Variants in UBE2E3 observed in about 807,000 individuals in gnomAD.
The protein encoded by UBE2E3 is ubiquitin conjugating enzyme E2 E3.
UBE2E3 carries 5 observed loss-of-function variants against 23.6 expected under a neutral mutation model. The ratio of observed to expected loss-of-function variants is 0.21; its 90% CI spans 0.11 to 0.44. UBE2E3 has a LOEUF of 0.44. Ranked by LOEUF, UBE2E3 falls within the 20% of genes least tolerant of loss-of-function variation. The probability of loss-of-function intolerance (pLI) is 0.99; values close to 1 mark genes in which losing one functional copy is unlikely to be tolerated. For missense variants in UBE2E3, 81 were observed against 249.8 expected, an observed-to-expected ratio of 0.32 and a Z score of 4.55; for synonymous variants, 78 against 87.5, an observed-to-expected ratio of 0.89 and a Z score of 0.60.
chr2:180,999,528 GC>G (rs772101858), intron 3 of UBE2E3, among the ~76,000 whole-genome samples: 1 of 152,094 alleles, frequency 6.6e-6, no homozygotes, highest in Non-Finnish European at 1.5e-5. Flanking sequence ...TTTCACAAAA[GC>G]TGTACCATTT....
At chr2:180,983,929 T>C (rs1684377553) in intron 2 of UBE2E3, 114 bp from the exon 3 acceptor site, 2 of 730,226 alleles carry the variant, frequency 2.7e-6, no homozygotes, top group African/African-American at 3.5e-5. Flanking sequence ...TTAGCATTAC[T>C]GAAGGCAGAG....
rs568802852 is a variant in UBE2E3 at position 181,004,803 on chromosome 2, A to G, written c.245+20710A>G. On this transcript the variant is annotated intron_variant, in intron 3 of 5. Transcript: ENST00000410062. ...ATATTGTGAAAAAAGTAATATATAT[A>G]TACGTAGTAGGTGACAACTAAGGCC... 7.9e-5 allele frequency among the ~76,000 whole-genome samples: 12 copies of G among 152,334 alleles called. No homozygotes were observed. In the South Asian group the frequency reaches 1.7e-3, roughly 21 times the overall value.
intron 3 of UBE2E3, among the ~76,000 whole-genome samples, chr2:180,997,179 T>A (rs900912261): frequency 7.9e-5 from 12 of 152,088 alleles, no homozygotes; most frequent in African/African-American, 1.9e-4. Flanking sequence ...GAGATTTTTT[T>A]AAGCTCATTT....
chr2:181,061,938 G>T (rs1042593315), intron 5 of UBE2E3, among the ~76,000 whole-genome samples: 2 of 151,476 alleles, frequency 1.3e-5, no homozygotes, highest in Admixed American at 6.6e-5. Context: ...CAACCTCAAT[G>T]CCCATTAATA....
At chr2:181,016,819 T>A (rs1685505549) in intron 3 of UBE2E3, among the ~76,000 whole-genome samples, 1 of 152,148 alleles carries the variant, frequency 6.6e-6, no homozygotes, top group East Asian at 1.9e-4. Flanking sequence ...TAACAAAAAA[T>A]TGGTATGAAA....
chr2:181,029,337 T>C (rs1685996877), intron 3 of UBE2E3, among the ~76,000 whole-genome samples: 1 of 152,164 alleles, frequency 6.6e-6, no homozygotes, highest in African/African-American at 2.4e-5. Context: ...AAAAGTATTC[T>C]TGTGGTTTTA....
At chr2:181,009,999 C>T (rs1407027682) in intron 3 of UBE2E3, among the ~76,000 whole-genome samples, 3 of 151,820 alleles carry the variant, frequency 2.0e-5, no homozygotes, top group African/African-American at 7.3e-5. Flanking sequence ...AATACTATTT[C>T]TGCTTTGTTT....
chr2:181,063,279 T>A lies in UBE2E3; in HGVS notation c.*391T>A, dbSNP rs1687209433. The A allele has an allele frequency of 6.5e-6, 1 of 152,844 alleles. No individual in the cohort carries two copies. 9.5% of individuals were successfully genotyped at this position (152,844 alleles called of 1,614,324 possible). On this transcript the variant is annotated 3_prime_UTR_variant, in exon 6 of 6. Transcript: ENST00000410062. The surrounding 1 kb of genome is among the most constrained non-coding windows in gnomAD (Gnocchi z 4.1). ...TCATTTGTATTAAACCCAGATCTAT[T>A]TCTGAGTATGTGGTTCATGCTGTTG...
intron 3 of UBE2E3, among the ~76,000 whole-genome samples, chr2:181,055,782 A>T (rs1686972207): frequency 6.6e-6 from 1 of 151,778 alleles, no homozygotes; most frequent in African/African-American, 2.4e-5. Context: ...TGGTGTGGGA[A>T]TCCAAGCTCT....
Position 180,991,030 on chromosome 2 carries a change from C to CA in UBE2E3, c.245+6942dup, listed in dbSNP as rs374518565. ...TTTCTCGACATTACTGTTTCCACAC[C>CA]AAAAATGTATTAATATTCATACAGG... On this transcript the variant is annotated intron_variant, in intron 3 of 5. Transcript: ENST00000410062. 8.5e-3 allele frequency among the ~76,000 whole-genome samples: 1,299 copies of CA among 152,174 alleles called. 19 individuals carry two copies. Among genetic ancestry groups the CA allele is most frequent in the Middle Eastern group, 0.024 (7 of 294 alleles).
At chr2:181,052,433 G>A (rs941135153) in intron 3 of UBE2E3, among the ~76,000 whole-genome samples, 5 of 151,882 alleles carry the variant, frequency 3.3e-5, no homozygotes, top group Non-Finnish European at 1.5e-5. Context: ...CACAACAGCA[G>A]CAGCAAAATA....
chr2:181,062,839 C>G lies in UBE2E3; in HGVS notation c.575C>G (p.Ala192Gly). 6.2e-7 allele frequency: 1 copy of G among 1,607,722 alleles called. No individual in the cohort carries two copies. Among genetic ancestry groups the G allele is most frequent in the Non-Finnish European group, 8.5e-7 (1 of 1,176,152 alleles). Residue 192 changes from alanine to glycine, a missense_variant, in exon 6 of 6, where the codon GCA (alanine) becomes GGA (glycine). By Grantham distance (60) the Ala-to-Gly change is moderately conservative (BLOSUM62 0). Transcript: ENST00000410062. ...GCCACTCAGTATTTGACCAACAGAG[C>G]AGAACACGACAGGATAGCCAGACAG... ...SIATQYLTNR[A>G]EHDRIARQWT...
At chr2:180,992,586 A>G (rs912919644) in intron 3 of UBE2E3, among the ~76,000 whole-genome samples, 3 of 152,156 alleles carry the variant, frequency 2.0e-5, no homozygotes, top group South Asian at 4.1e-4. Context: ...CATTTGGAAC[A>G]TATGCCTCAA....
intron 4 of UBE2E3, among the ~76,000 whole-genome samples, chr2:181,059,493 T>C (rs1392870437): frequency 2.0e-5 from 3 of 151,700 alleles, no homozygotes; most frequent in African/African-American, 4.8e-5. Flanking sequence ...AATAGCCACA[T>C]AAAACATAAA....
chr2:181,058,089 A>G (rs773249256), intron 4 of UBE2E3, among the ~76,000 whole-genome samples: 1 of 151,764 alleles, frequency 6.6e-6, no homozygotes, highest in Non-Finnish European at 1.5e-5. Context: ...TTTTATGCTT[A>G]TGAGGGAGAA....
At chr2:181,047,577 A>C (rs2105469533) in intron 3 of UBE2E3, among the ~76,000 whole-genome samples, 1 of 151,934 alleles carries the variant, frequency 6.6e-6, no homozygotes, top group Middle Eastern at 3.4e-3. Flanking sequence ...CTATTCTCGA[A>C]ACCCTCCTTT....
chr2:180,998,526 A>C (rs1323588573), intron 3 of UBE2E3, among the ~76,000 whole-genome samples: 1 of 152,068 alleles, frequency 6.6e-6, no homozygotes, highest in Non-Finnish European at 1.5e-5. Flanking sequence ...AACAATTAAG[A>C]TCATGTTTCC....
chr2:181,007,132 C>T (rs2105601468), intron 3 of UBE2E3, among the ~76,000 whole-genome samples: 1 of 152,214 alleles, frequency 6.6e-6, no homozygotes, highest in Non-Finnish European at 1.5e-5. Context: ...TTCCAGTAGT[C>T]TGTGGTGACT....
At chr2:180,988,006 T>C (rs1184806230) in intron 3 of UBE2E3, among the ~76,000 whole-genome samples, 1 of 152,212 alleles carries the variant, frequency 6.6e-6, no homozygotes, top group Non-Finnish European at 1.5e-5. Flanking sequence ...CCATGCTCTG[T>C]CACTAACTTG....
Sources: allele counts gnomAD v4.1 joint callset (sites outside exome capture counted in the v4.1 genomes callset), GRCh38; gene constraint gnomAD v4.1.1; non-coding constraint Gnocchi (gnomAD v3.1); transcripts MANE v1.5; gene names NCBI Gene and HGNC (gene_info 2026-07-23, HGNC 2026-07-21).